The following CTNND2 variants were observed in gnomAD, a reference collection of about 807,000 sequenced individuals.
CTNND2 encodes the protein catenin delta 2.
A neutral mutation model predicts 144.4 loss-of-function variants in CTNND2; 22 were observed. The observed-to-expected ratio is 0.15, with a 90% CI of 0.11 to 0.22. The LOEUF (loss-of-function observed/expected upper bound fraction) is 0.22. Among genes scored for constraint, CTNND2 ranks in the 10% least tolerant of loss-of-function variants. The pLI, the probability that CTNND2 is intolerant of heterozygous loss-of-function variation, is 1.00. For missense variants in CTNND2, 1,353 were observed against 1,618.8 expected (o/e 0.84, Z 2.82); for synonymous variants, 751 against 695.6 (o/e 1.08, Z -1.25).
chr5:10,987,999 C>A, intron 20 of CTNND2, 112 bp downstream of exon 20: 1 of 1,396,138 alleles, frequency 7.2e-7, no homozygotes, highest in Non-Finnish European at 9.9e-7. Context: ...GCTGCTAAGT[C>A]CTGCTCAGCA....
intron 3 of CTNND2, among the ~76,000 whole-genome samples, chr5:11,496,500 TG>T (rs938183049): frequency 3.9e-5 from 6 of 152,310 alleles, no homozygotes; most frequent in Admixed American, 3.9e-4. Flanking sequence ...GCAGCAGCAC[TG>T]GTTATATTGC....
At chr5:10,996,657 G>A (rs1360676342) in intron 18 of CTNND2, among the ~76,000 whole-genome samples, 2 of 152,244 alleles carry the variant, frequency 1.3e-5, no homozygotes, top group Non-Finnish European at 2.9e-5. Flanking sequence ...GGAGTGCAAT[G>A]GCGTGATCTT....
intron 3 of CTNND2, among the ~76,000 whole-genome samples, chr5:11,471,182 T>C (rs1281269779): frequency 1.3e-5 from 2 of 151,590 alleles, no homozygotes; most frequent in Non-Finnish European, 2.9e-5. Context: ...TTTCACAGTG[T>C]TAGCCAGGAT....
intron 3 of CTNND2, among the ~76,000 whole-genome samples, chr5:11,515,542 A>C (rs1035079926): frequency 2.0e-5 from 3 of 152,210 alleles, no homozygotes; most frequent in Non-Finnish European, 2.9e-5. Context: ...AACATATTCT[A>C]TACCATCCCA....
At chr5:10,978,825 T>A (rs1182565878) in intron 21 of CTNND2, among the ~76,000 whole-genome samples, 3 of 152,266 alleles carry the variant, frequency 2.0e-5, no homozygotes, top group Non-Finnish European at 4.4e-5. Flanking sequence ...TTCACACTCA[T>A]GGCAAGGATG....
intron 15 of CTNND2, chr5:11,083,836 C>T (rs1749856002): frequency 3.8e-6 from 4 of 1,055,882 alleles, no homozygotes; most frequent in Non-Finnish European, 4.6e-6. Context: ...GCCACCTCCA[C>T]CCCCCTTCCC....
intron 1 of CTNND2, among the ~76,000 whole-genome samples, chr5:11,837,514 A>G (rs1452291186): frequency 6.6e-6 from 1 of 152,232 alleles, no homozygotes; most frequent in Non-Finnish European, 1.5e-5. Flanking sequence ...TCATCATAAG[A>G]GAAGGCAATC....
rs6888563 is a variant in CTNND2, at chr5:11,562,182, T to C, written c.287+2762A>G. Among the ~76,000 whole-genome samples, 707 of 152,344 alleles carry C rather than the reference T, an allele frequency of 4.6e-3. 8 individuals are homozygous for C. Among genetic ancestry groups the C allele is most frequent in the African/African-American group, 0.015 (605 of 41,574 alleles). On this transcript the variant is annotated intron_variant, in intron 3 of 21. Coordinates refer to ENST00000304623, the MANE Select transcript of CTNND2 (RefSeq NM_001332.4). ...TACAAATATGTCTGGCAGTTGTGAC[T>C]TGATTTTGTTTCTTTTCTCCTAAGA...
chr5:11,450,178 T>C (rs1765174763), intron 3 of CTNND2, among the ~76,000 whole-genome samples: 1 of 152,242 alleles, frequency 6.6e-6, no homozygotes. Flanking sequence ...GACATTTCTC[T>C]ACCATGTAGT....
At chr5:11,205,041 T>A (rs1737898125) in intron 10 of CTNND2, among the ~76,000 whole-genome samples, 1 of 152,204 alleles carries the variant, frequency 6.6e-6, no homozygotes, top group African/African-American at 2.4e-5. Flanking sequence ...GGGTGTGTGC[T>A]GCTATTCCTC....
rs2149474371 is a variant in CTNND2, at chr5:10,972,067, CA to C, written c.*1385del. ...TGTGTACTGCTCCCTGCCACATGAA[CA>C]AAAAGTTTGGGGGAATAAGGCGAGC... On this transcript the variant is annotated 3_prime_UTR_variant, in exon 22 of 22. Transcript: ENST00000304623. 6.5e-6 allele frequency: 1 copy of C among 152,684 alleles called. No homozygotes were observed. The highest frequency in any genetic ancestry group is 1.9e-4 in the East Asian group (1 of 5,190). 9.5% of individuals were successfully genotyped at this position (152,684 alleles called of 1,614,324 possible). A position where few individuals can be genotyped will look rare whatever the true frequency, so the allele number is the denominator to read the frequency against.
intron 9 of CTNND2, among the ~76,000 whole-genome samples, chr5:11,283,225 T>C (rs902115196): frequency 2.6e-5 from 4 of 152,120 alleles, no homozygotes; most frequent in Admixed American, 1.3e-4. Flanking sequence ...AAAATTAAGA[T>C]TTTTTTCCCA....
chr5:11,159,746 G>A lies in CTNND2; in HGVS notation c.1989C>T (p.Asn663=). The change falls in exon 12 of 22, where the codon AAC becomes AAT. Residue 663 remains asparagine, a synonymous_variant. Coordinates refer to ENST00000304623, the MANE Select transcript of CTNND2 (RefSeq NM_001332.4). ...IRELVTGVLW[N]LSSCDALKMP... is the part of the protein sequence containing the mutation. ...TTTTGAGTGCATCGCATGAGGAGAG[G>A]TTCCAAAGGACTCCTGCAAGAGACA... 1 of 1,594,348 alleles carries A rather than the reference G, an allele frequency of 6.3e-7. No individual in the cohort carries two copies. The highest frequency in any genetic ancestry group is 8.6e-7 in the Non-Finnish European group (1 of 1,168,970).
At chr5:11,116,689 C>A (rs1315627773) in intron 13 of CTNND2, among the ~76,000 whole-genome samples, 1 of 152,180 alleles carries the variant, frequency 6.6e-6, no homozygotes, top group Non-Finnish European at 1.5e-5. Flanking sequence ...TTATTTAGAT[C>A]TTGCAGGCCT....
chr5:11,620,510 G>C (rs973689243), intron 2 of CTNND2, among the ~76,000 whole-genome samples: 3 of 152,276 alleles, frequency 2.0e-5, no homozygotes, highest in East Asian at 3.9e-4. Flanking sequence ...GCCAAATAAA[G>C]GCGCTTGCCC....
intron 1 of CTNND2, among the ~76,000 whole-genome samples, chr5:11,858,215 C>T (rs1436240868): frequency 1.3e-5 from 2 of 152,092 alleles, no homozygotes; most frequent in African/African-American, 4.8e-5. Context: ...AAAGACTTTC[C>T]ACAACATTGG....
intron 7 of CTNND2, among the ~76,000 whole-genome samples, chr5:11,372,122 G>A (rs1581040238): frequency 1.3e-5 from 2 of 152,106 alleles, no homozygotes; most frequent in East Asian, 3.9e-4. Context: ...ACAATTTATT[G>A]TCATGATGAA....
chr5:10,978,465 T>C (rs1272976526), intron 21 of CTNND2, among the ~76,000 whole-genome samples: 1 of 151,468 alleles, frequency 6.6e-6, no homozygotes, highest in Non-Finnish European at 1.5e-5. Flanking sequence ...TTCAATGGAG[T>C]GTCATTATGA....
chr5:11,393,490 A>G (rs1759813609), intron 6 of CTNND2, among the ~76,000 whole-genome samples: 1 of 152,200 alleles, frequency 6.6e-6, no homozygotes, highest in South Asian at 2.1e-4. Context: ...ACATGGGGTG[A>G]AACCAACATG....
Sources: gnomAD v4.1 joint callset for allele counts (sites outside exome capture counted in the v4.1 genomes callset) on GRCh38, gnomAD v4.1.1 for gene constraint, MANE v1.5 for transcripts, NCBI Gene and HGNC (gene_info 2026-07-23, HGNC 2026-07-21) for gene names.